The following PSTPIP2 variants were observed in gnomAD, a reference collection of about 807,000 sequenced individuals.
PSTPIP2 encodes proline-serine-threonine phosphatase interacting protein 2, also known as proline-serine-threonine phosphatase-interacting protein 2.
Under a neutral mutation model 63.3 loss-of-function variants are expected in PSTPIP2, and 33 were observed. The observed-to-expected ratio is 0.52, with a 90% confidence interval of 0.40 to 0.70. The LOEUF (loss-of-function observed/expected upper bound fraction) is 0.70. Among genes scored for constraint, PSTPIP2 ranks in the 30% least tolerant of loss-of-function variants. The probability of loss-of-function intolerance (pLI) is 0.00; values close to 1 mark genes in which losing one functional copy is unlikely to be tolerated. For synonymous variants in PSTPIP2, 125 were observed against 132.7 expected, an observed-to-expected ratio of 0.94 and a Z score of 0.40; for missense variants, 312 against 400.7, an observed-to-expected ratio of 0.78 and a Z score of 1.89.
At chr18:46,015,761 G>A (rs2051846457) in intron 4 of PSTPIP2, 142 bp downstream of exon 4, 1 of 862,284 alleles carries the variant, frequency 1.2e-6, no homozygotes, top group Non-Finnish European at 1.8e-6. Context: ...CGAGCCTGCA[G>A]AGCTTTGTCT....
intron 6 of PSTPIP2, among the ~76,000 whole-genome samples, chr18:46,002,245 T>C (rs796757067): frequency 2.0e-5 from 3 of 152,344 alleles, no homozygotes; most frequent in African/African-American, 7.2e-5. Context: ...CTGGGATATA[T>C]AGATTTATGT....
chr18:46,004,661 G>A lies in PSTPIP2; in HGVS notation c.417+808C>T, dbSNP rs77322115. Among the ~76,000 whole-genome samples the A allele has an allele frequency of 2.3e-3, 349 of 151,920 alleles. 3 individuals carry two copies. Among genetic ancestry groups the A allele is most frequent in the Middle Eastern group, 0.014 (4 of 294 alleles). ...TTGAACTGACTTGCTATATTTTCTCGGGTTACCAGAAAGATAACCCTGTTG... is the reference window on the plus strand; with the variant it reads ...TTGAACTGACTTGCTATATTTTCTCAGGTTACCAGAAAGATAACCCTGTTG... On this transcript the variant is annotated intron_variant, in intron 6 of 14. Transcript: ENST00000409746.
chr18:46,072,059 G>A, intron 1 of PSTPIP2, 97 bp downstream of exon 1: 1 of 1,400,350 alleles, frequency 7.1e-7, no homozygotes. Context: ...GTCACCGAGT[G>A]GCGCCGGAGC....
At chr18:46,002,647 TTG>T (rs1307191845) in intron 6 of PSTPIP2, among the ~76,000 whole-genome samples, 3 of 152,194 alleles carry the variant, frequency 2.0e-5, no homozygotes, top group African/African-American at 7.2e-5. Context: ...AGTCCTTCCT[TTG>T]TTTCTTTCAT....
intron 2 of PSTPIP2, among the ~76,000 whole-genome samples, chr18:46,027,058 G>A (rs1341056460): frequency 6.6e-6 from 1 of 152,024 alleles, no homozygotes; most frequent in Non-Finnish European, 1.5e-5. Context: ...ACTTTGGGAG[G>A]CCAAGGCGGT....
At chr18:46,044,460 G>A (rs1324710478) in intron 1 of PSTPIP2, among the ~76,000 whole-genome samples, 2 of 152,168 alleles carry the variant, frequency 1.3e-5, no homozygotes, top group African/African-American at 4.8e-5. Context: ...GCCATATGTA[G>A]AAAGGTGAAA....
intron 1 of PSTPIP2, among the ~76,000 whole-genome samples, chr18:46,058,829 C>T (rs2144129664): frequency 6.6e-6 from 1 of 152,250 alleles, no homozygotes; most frequent in Middle Eastern, 3.4e-3. Flanking sequence ...TCTGTGTCCT[C>T]AAGGGAATGG....
intron 2 of PSTPIP2, among the ~76,000 whole-genome samples, chr18:46,031,859 G>A (rs181197254): frequency 6.6e-6 from 1 of 152,180 alleles, no homozygotes; most frequent in African/African-American, 2.4e-5. Flanking sequence ...CCTAGAACCC[G>A]GGAAGTAATG....
At chr18:46,058,990 A>C (rs1471105578) in intron 1 of PSTPIP2, among the ~76,000 whole-genome samples, 1 of 150,760 alleles carries the variant, frequency 6.6e-6, no homozygotes, top group East Asian at 1.9e-4. Flanking sequence ...CTCTTCTTTT[A>C]ATACTTTAGG....
Position 46,018,125 on chromosome 18 carries a change from T to G in PSTPIP2, c.213-2188A>C, listed in dbSNP as rs74489165. On this transcript the variant is annotated intron_variant, in intron 3 of 14. Transcript: ENST00000409746. The stretch of plus-strand genomic sequence containing the variant: ...CCTCTTAATTCACTCTTTTATTTTC[T>G]TTAAACATACTATACATACTTGTTT... Among the ~76,000 whole-genome samples the G allele has an allele frequency of 3.2e-3, 485 of 152,358 alleles. 1 individual carries two copies. Among genetic ancestry groups the G allele is most frequent in the Non-Finnish European group, 5.5e-3 (376 of 68,034 alleles).
chr18:46,057,854 C>T lies in PSTPIP2; in HGVS notation c.33+14302G>A, dbSNP rs556244020. On this transcript the variant is annotated intron_variant, in intron 1 of 14. Transcript: ENST00000409746. Reference sequence around the variant, plus strand: ...CTACTAAAAAATACAAAAAATTAGCCGGGCGTGGTGGCGGGCGCCTGTAGT... The same window carrying T: ...CTACTAAAAAATACAAAAAATTAGCTGGGCGTGGTGGCGGGCGCCTGTAGT... 4.2e-4 allele frequency among the ~76,000 whole-genome samples: 63 copies of T among 151,610 alleles called. No individual in the cohort carries two copies. In the South Asian group the frequency reaches 0.013, roughly 31 times the overall value.
intron 1 of PSTPIP2, among the ~76,000 whole-genome samples, chr18:46,047,314 C>G (rs953198228): frequency 1.1e-4 from 17 of 152,058 alleles, no homozygotes; most frequent in Admixed American, 9.8e-4. Flanking sequence ...GTGGCTCATA[C>G]CTGTAATCTC....
intron 6 of PSTPIP2, among the ~76,000 whole-genome samples, chr18:46,002,408 C>G (rs950582797): frequency 6.6e-6 from 1 of 152,084 alleles, no homozygotes; most frequent in African/African-American, 2.4e-5. Context: ...GTCCCTGAGG[C>G]TCTGTTAATT....
intron 2 of PSTPIP2, among the ~76,000 whole-genome samples, chr18:46,036,947 G>T (rs1199330033): frequency 6.6e-6 from 1 of 152,188 alleles, no homozygotes; most frequent in African/African-American, 2.4e-5. Context: ...CATGTACCAT[G>T]TAAAAGTGGT....
rs1400195789 is a variant in PSTPIP2, at chr18:45,993,656, T to A, written c.690A>T (p.Ala230=). 6.2e-7 allele frequency: 1 copy of A among 1,614,178 alleles called. No homozygotes were observed. Among genetic ancestry groups the A allele is most frequent in the Non-Finnish European group, 8.5e-7 (1 of 1,180,038 alleles). Reference sequence around the variant, plus strand: ...ACAGCTGATTCACATGTAACCACAATGCATTCCGGAAGAAGTTTATTCGTT... The same window carrying A: ...ACAGCTGATTCACATGTAACCACAAAGCATTCCGGAAGAAGTTTATTCGTT... ...ECERINFFRN[A]LWLHVNQLSQ... is the part of the protein sequence containing the mutation. Residue 230 remains alanine, a synonymous_variant, in exon 10 of 15, where the codon GCA becomes GCT. Transcript: ENST00000409746.
In PSTPIP2 at chr18:45,991,924, C is replaced by G. The variant is rs2051538653; in HGVS notation, c.898G>C (p.Ala300Pro). The G allele has an allele frequency of 6.2e-7, 1 of 1,613,054 alleles. No individual in the cohort carries two copies. Among genetic ancestry groups the G allele is most frequent in the African/African-American group, 1.3e-5 (1 of 74,900 alleles). Residue 300 changes from alanine to proline, a missense_variant, in exon 12 of 15, where the codon GCT (alanine) becomes CCT (proline). Physicochemically the swap from Ala to Pro is conservative, Grantham distance 27. Coordinates refer to ENST00000409746, the MANE Select transcript of PSTPIP2 (RefSeq NM_024430.4). ...TACCTTGCCAAGTTAGGCCCTGTAG[C>G]CTTTCCTGCTGGGACTGCATTCTTC... is the stretch of plus-strand genomic sequence containing the variant. Reference protein sequence around the residue: ...SQKNAVPAGKATGPNLARRGP... With the variant: ...SQKNAVPAGKPTGPNLARRGP...
At chr18:46,013,768 C>T (rs1175286868) in intron 4 of PSTPIP2, among the ~76,000 whole-genome samples, 1 of 152,034 alleles carries the variant, frequency 6.6e-6, no homozygotes, top group African/African-American at 2.4e-5. Flanking sequence ...AGATGACCAA[C>T]ACAGGAAGAA....
intron 1 of PSTPIP2, among the ~76,000 whole-genome samples, chr18:46,046,345 C>T (rs539727913): frequency 2.0e-5 from 3 of 152,356 alleles, no homozygotes; most frequent in South Asian, 4.1e-4. Context: ...GCTGAGCATC[C>T]GCACATCTAG....
chr18:46,023,022 C>T (rs1007507034), intron 3 of PSTPIP2, among the ~76,000 whole-genome samples: 13 of 152,124 alleles, frequency 8.5e-5, no homozygotes, highest in African/African-American at 2.4e-4. Flanking sequence ...GAACAGAAAA[C>T]CAAATACTAC....
Sources: allele counts gnomAD v4.1 joint callset (sites outside exome capture counted in the v4.1 genomes callset), GRCh38; gene constraint gnomAD v4.1.1; transcripts MANE v1.5; gene names NCBI Gene and HGNC (gene_info 2026-07-23, HGNC 2026-07-21).